EVC2: variants seen among roughly 807,000 people sequenced by gnomAD.
The protein encoded by EVC2 is EvC ciliary complex subunit 2.
Under a neutral mutation model 149.3 loss-of-function variants are expected in EVC2, and 148 were observed. The observed-to-expected ratio is 0.99, with a 90% CI of 0.87 to 1.14. EVC2 has a LOEUF of 1.14. EVC2 is among the 50% of genes most tolerant of loss of function. The pLI, the probability that EVC2 is intolerant of heterozygous loss-of-function variation, is 0.00. For synonymous variants in EVC2, 776 were observed against 649.9 expected (o/e 1.19, Z -2.95); for missense variants, 1,854 against 1,627.3 (o/e 1.14, Z -2.40).
chr4:5,649,471 TA>T (rs575787574), intron 9 of EVC2, among the ~76,000 whole-genome samples: 8 of 152,146 alleles, frequency 5.3e-5, no homozygotes, highest in Admixed American at 3.3e-4. Flanking sequence ...CTACTAATGA[TA>T]AAAAAAGAGA....
chr4:5,639,386 T>C (rs1224929188), intron 10 of EVC2, among the ~76,000 whole-genome samples: 1 of 152,240 alleles, frequency 6.6e-6, no homozygotes, highest in Non-Finnish European at 1.5e-5. Context: ...TCTAGTTCTT[T>C]CAAGGCAGCA....
intron 16 of EVC2, among the ~76,000 whole-genome samples, chr4:5,597,359 C>A (rs1713533902): frequency 6.6e-6 from 1 of 152,178 alleles, no homozygotes; most frequent in Admixed American, 6.5e-5. Flanking sequence ...CATCAAAAAG[C>A]TTATCCACCA....
Position 5,613,434 on chromosome 4 carries a change from G to C in EVC2, c.2829+1988C>G, listed in dbSNP as rs562617622. ...GGATCACAAAGCAGCCGGTACTCAG[G>C]GAAATGCTCCCTCTACCCCCGAGTA... On this transcript the variant is annotated intron_variant, in intron 16 of 21. Transcript: ENST00000344408. The surrounding 1 kb of genome is among the most constrained non-coding windows in gnomAD (Gnocchi z 4.6). Among the ~76,000 whole-genome samples the C allele has an allele frequency of 6.6e-6, 1 of 152,288 alleles. No homozygotes were observed. The highest frequency in any genetic ancestry group is 1.9e-4 in the East Asian group (1 of 5,182).
intron 13 of EVC2, among the ~76,000 whole-genome samples, chr4:5,623,678 T>C (rs1242572284): frequency 6.6e-6 from 1 of 152,150 alleles, no homozygotes; most frequent in Non-Finnish European, 1.5e-5. Flanking sequence ...GTAGAATCCC[T>C]ATGTGTTCAC....
At chr4:5,650,658 G>GAC (rs1307118174) in intron 9 of EVC2, among the ~76,000 whole-genome samples, 1 of 142,350 alleles carries the variant, frequency 7.0e-6, no homozygotes, top group African/African-American at 2.6e-5. Context: ...GAGAGAGAGA[G>GAC]AGAGAGAGAG....
chr4:5,592,348 G>C (rs1250001723), intron 16 of EVC2, among the ~76,000 whole-genome samples: 1 of 152,170 alleles, frequency 6.6e-6, no homozygotes, highest in Non-Finnish European at 1.5e-5. Flanking sequence ...AGAAAAGTGG[G>C]CCAAGGGATG....
chr4:5,640,486 G>A lies in EVC2; in HGVS notation c.1470+28C>T. 1 of 1,612,964 alleles carries A rather than the reference G, an allele frequency of 6.2e-7. No individual in the cohort carries two copies. Among genetic ancestry groups the A allele is most frequent in the Non-Finnish European group, 8.5e-7 (1 of 1,179,034 alleles). On this transcript the variant is annotated intron_variant, in intron 10 of 21. Transcript: ENST00000344408. This position sits in a 1 kb window ranked among gnomAD's most constrained non-coding sequence, Gnocchi z 4.6. ...ACAAATCCCTGAGAGAAAGGGAAGT[G>A]AACGCCTTCCTTTCAGACCTGTCTT... is the stretch of plus-strand genomic sequence containing the variant.
Position 5,663,136 on chromosome 4 carries a change from G to A in EVC2, c.1116C>T (p.Asp372=). 1 of 1,614,142 alleles carries A rather than the reference G, an allele frequency of 6.2e-7. No homozygotes were observed. The highest frequency in any genetic ancestry group is 8.5e-7 in the Non-Finnish European group (1 of 1,180,004). ...DQMIDILSSE[D]PGSMLQALEE... ...CTAAGGCTTGAAGCATGCTCCCAGG[G>A]TCCTCGGAAGACAGAATGTCTATCA... The change falls in exon 9 of 22, where the codon GAC becomes GAT. Residue 372 remains aspartate, a synonymous_variant. Transcript: ENST00000344408.
In EVC2 at chr4:5,685,363, G is replaced by C. The variant is rs1560223636; in HGVS notation, c.816+7C>G. ...CAAGACAGAGATTAAAGTAACAAAG[G>C]TCATACCCGTGACGAGCTCTGAAAG... On this transcript the variant is annotated splice_region_variant and intron_variant, in intron 6 of 21. Coordinates refer to ENST00000344408, the MANE Select transcript of EVC2 (RefSeq NM_147127.5). 1 of 1,613,492 alleles carries C rather than the reference G, an allele frequency of 6.2e-7. No homozygotes were observed. The highest frequency in any genetic ancestry group is 8.5e-7 in the Non-Finnish European group (1 of 1,179,430).
At chr4:5,629,464 C>T (rs1211249704) in intron 11 of EVC2, among the ~76,000 whole-genome samples, 2 of 152,192 alleles carry the variant, frequency 1.3e-5, no homozygotes, top group Non-Finnish European at 2.9e-5. Context: ...AAAAATCCCA[C>T]TTTAACCAGA....
rs529600586 is a variant in EVC2, at chr4:5,644,727, A to G, written c.1146-3889T>C. 2.6e-5 allele frequency among the ~76,000 whole-genome samples: 4 copies of G among 152,290 alleles called. No individual in the cohort carries two copies. In the South Asian group the frequency reaches 8.3e-4, roughly 32 times the overall value. On this transcript the variant is annotated intron_variant, in intron 9 of 21. Coordinates refer to ENST00000344408, the MANE Select transcript of EVC2 (RefSeq NM_147127.5). ...TCCAGTAACCACTATTCTATTCTGT[A>G]TCTTCACAAGGTCCACTTTTTTAGC...
intron 16 of EVC2, among the ~76,000 whole-genome samples, chr4:5,611,248 G>A (rs1714799447): frequency 6.6e-6 from 1 of 152,154 alleles, no homozygotes; most frequent in Non-Finnish European, 1.5e-5. Context: ...ACCCTGGGCT[G>A]GGCACTAACC....
intron 16 of EVC2, among the ~76,000 whole-genome samples, chr4:5,586,727 A>G (rs1175585797): frequency 1.3e-5 from 2 of 152,180 alleles, no homozygotes; most frequent in Admixed American, 6.5e-5. Flanking sequence ...AAATCTTTTC[A>G]TCGAATTATG....
In EVC2 at chr4:5,618,290, A is replaced by G. The variant is rs1715417963; in HGVS notation, c.2706+188T>C. On this transcript the variant is annotated intron_variant, in intron 15 of 21. Transcript: ENST00000344408. The surrounding 1 kb of genome is among the most constrained non-coding windows in gnomAD (Gnocchi z 4.4). Reference sequence around the variant, plus strand: ...GGGCACAGCACCAGCAGTGTCCACTATAGACTTTAAAGTTGGGACAGCCCT... The same window carrying G: ...GGGCACAGCACCAGCAGTGTCCACTGTAGACTTTAAAGTTGGGACAGCCCT... Among the ~76,000 whole-genome samples, 1 of 152,172 alleles carries G rather than the reference A, an allele frequency of 6.6e-6. No homozygotes were observed.
At chr4:5,647,314 G>T (rs1717791774) in intron 9 of EVC2, among the ~76,000 whole-genome samples, 1 of 152,190 alleles carries the variant, frequency 6.6e-6, no homozygotes, top group Non-Finnish European at 1.5e-5. Flanking sequence ...TCTGCATAGT[G>T]TCACTATGAA....
chr4:5,665,805 G>A (rs1719242162), intron 7 of EVC2, among the ~76,000 whole-genome samples, 156 bp from the exon 8 acceptor site: 1 of 152,198 alleles, frequency 6.6e-6, no homozygotes, highest in Admixed American at 6.5e-5. Context: ...GCTGCCTGGA[G>A]GCCCTCGCTG....
intron 21 of EVC2, 22 bp downstream of exon 21, chr4:5,565,236 A>G: frequency 6.2e-7 from 1 of 1,610,224 alleles, no homozygotes. Context: ...CCCCAGCCAC[A>G]TGAGCAGGTG....
intron 16 of EVC2, among the ~76,000 whole-genome samples, chr4:5,599,360 G>T (rs1482517242): frequency 5.9e-5 from 9 of 152,146 alleles, no homozygotes; most frequent in South Asian, 2.1e-4. Flanking sequence ...AGAAAATGTG[G>T]CACATATACA....
chr4:5,553,654 G>T (rs1241419061), intron 21 of EVC2, among the ~76,000 whole-genome samples: 1 of 152,080 alleles, frequency 6.6e-6, no homozygotes, highest in African/African-American at 2.4e-5. Context: ...AGTTATGATT[G>T]CACAACTCTG....
Sources: allele counts gnomAD v4.1 joint callset (sites outside exome capture counted in the v4.1 genomes callset), GRCh38; gene constraint gnomAD v4.1.1; non-coding constraint Gnocchi (gnomAD v3.1); transcripts MANE v1.5; gene names NCBI Gene and HGNC (gene_info 2026-07-23, HGNC 2026-07-21).